LNX2: variants seen among roughly 807,000 people sequenced by gnomAD.
LNX2 encodes ligand of Numb protein X 2.
A neutral mutation model predicts 66.2 loss-of-function variants in LNX2; 35 were observed. The ratio of observed to expected loss-of-function variants is 0.53; its 90% CI spans 0.40 to 0.70. The LOEUF (loss-of-function observed/expected upper bound fraction) is 0.70. LNX2 is among the 30% of genes least tolerant of loss of function. The pLI is 0.00. For synonymous variants in LNX2, 337 were observed against 315.6 expected, an observed-to-expected ratio of 1.07 and a Z score of -0.72; for missense variants, 791 against 850.8, an observed-to-expected ratio of 0.93 and a Z score of 0.87.
At chr13:27,573,205 T>C (rs1477701043) in intron 2 of LNX2, among the ~76,000 whole-genome samples, 2 of 152,108 alleles carry the variant, frequency 1.3e-5, no homozygotes, top group African/African-American at 4.8e-5. Flanking sequence ...ACAGTGGAAA[T>C]CAGGAGGCTG....
chr13:27,579,726 T>C (rs1381639630), intron 2 of LNX2, among the ~76,000 whole-genome samples: 1 of 152,188 alleles, frequency 6.6e-6, no homozygotes, highest in Non-Finnish European at 1.5e-5. Context: ...ATCTCATAAC[T>C]GATGTTTAGA....
At chr13:27,602,010 C>T (rs1955662639) in intron 1 of LNX2, among the ~76,000 whole-genome samples, 1 of 152,150 alleles carries the variant, frequency 6.6e-6, no homozygotes, top group African/African-American at 2.4e-5. Flanking sequence ...ACTTCATGAT[C>T]TTCAAAGTAA....
chr13:27,600,487 G>A (rs77091233), intron 1 of LNX2, among the ~76,000 whole-genome samples: 6,703 of 152,256 alleles, frequency 0.044, 210 homozygotes, highest in Non-Finnish European at 0.067. Flanking sequence ...AAACATAACC[G>A]TAGAATTACT....
intron 3 of LNX2, among the ~76,000 whole-genome samples, chr13:27,568,657 C>G (rs1955235932): frequency 6.6e-6 from 1 of 152,096 alleles, no homozygotes; most frequent in Admixed American, 6.5e-5. Flanking sequence ...GTGCCTGACA[C>G]AGAATAGCAT....
intron 1 of LNX2, among the ~76,000 whole-genome samples, chr13:27,583,819 T>C (rs759729199): frequency 2.6e-5 from 4 of 152,124 alleles, no homozygotes; most frequent in Non-Finnish European, 5.9e-5. Context: ...ATTTAGTAAG[T>C]ACTCTAAGAA....
At chr13:27,593,252 T>G (rs956455806) in intron 1 of LNX2, among the ~76,000 whole-genome samples, 1 of 152,164 alleles carries the variant, frequency 6.6e-6, no homozygotes, top group Non-Finnish European at 1.5e-5. Context: ...TCTTCCAATC[T>G]CTTTCTCCCC....
intron 2 of LNX2, among the ~76,000 whole-genome samples, chr13:27,579,516 G>T (rs938278891): frequency 6.6e-6 from 1 of 152,152 alleles, no homozygotes; most frequent in Admixed American, 6.5e-5. Flanking sequence ...ACATGTAAAT[G>T]AAAAGGCAGT....
Position 27,581,394 on chromosome 13 carries a change from G to A in LNX2, c.310C>T (p.His104Tyr), listed in dbSNP as rs763157598. ...KLCKKSSILVHKLLDKLLVLC... is the reference protein window; with the variant it reads ...KLCKKSSILVYKLLDKLLVLC... The stretch of plus-strand genomic sequence containing the variant: ...ACTAATAATTTGTCTAGGAGTTTAT[G>A]AACTAGAATACTAGACTTCTTGCAC... The change falls in exon 2 of 10, where the codon CAT becomes TAT. Residue 104 changes from histidine (H) to tyrosine (Y), a missense_variant. Physicochemically the swap from His to Tyr is moderately conservative, Grantham distance 83. Coordinates refer to ENST00000316334, the MANE Select transcript of LNX2 (RefSeq NM_153371.4). 6.3e-7 allele frequency: 1 copy of A among 1,599,710 alleles called. No homozygotes were observed. The highest frequency in any genetic ancestry group is 8.5e-7 in the Non-Finnish European group (1 of 1,169,908).
chr13:27,589,407 C>T (rs1371914565), intron 1 of LNX2, among the ~76,000 whole-genome samples: 3 of 152,160 alleles, frequency 2.0e-5, no homozygotes, highest in Admixed American at 6.5e-5. Context: ...ATCTCTAAAA[C>T]ACGATTCTGT....
intron 1 of LNX2, among the ~76,000 whole-genome samples, chr13:27,600,055 G>C (rs1028805035): frequency 6.6e-6 from 1 of 152,108 alleles, no homozygotes; most frequent in Non-Finnish European, 1.5e-5. Context: ...CATCAGTTAT[G>C]TACCAGAAAA....
At chr13:27,573,148 T>C (rs754887548) in intron 2 of LNX2, among the ~76,000 whole-genome samples, 1 of 152,074 alleles carries the variant, frequency 6.6e-6, no homozygotes, top group Non-Finnish European at 1.5e-5. Flanking sequence ...TTTACCCTAT[T>C]TCCATCCTCA....
chr13:27,610,270 T>C (rs967880666), intron 1 of LNX2, among the ~76,000 whole-genome samples: 18 of 152,356 alleles, frequency 1.2e-4, no homozygotes, highest in Admixed American at 2.6e-4. Flanking sequence ...TGTTTCCAAA[T>C]TGGTATCTTG....
intron 6 of LNX2, among the ~76,000 whole-genome samples, chr13:27,558,530 CT>C (rs934674565): frequency 2.0e-4 from 30 of 152,144 alleles, no homozygotes; most frequent in African/African-American, 5.5e-4. Context: ...ATATACACCC[CT>C]ATCTCAAATT....
chr13:27,562,619 C>T lies in LNX2; in HGVS notation c.1018G>A (p.Val340Met). ...SNSPREEIFQ[V>M]ALHKRDSGEQ... ...CCAGAGTCCCGTTTATGAAGAGCCA[C>T]TTGGAAAATCTCTTCTCGTGGAGAG... The change falls in exon 5 of 10, where the codon GTG (valine) becomes ATG (methionine). Residue 340 changes from valine (V) to methionine (M), a missense_variant. Transcript: ENST00000316334. 6 of 1,614,136 alleles carry T rather than the reference C, an allele frequency of 3.7e-6. No individual in the cohort carries two copies. The highest frequency in any genetic ancestry group is 5.1e-6 in the Non-Finnish European group (6 of 1,180,032).
chr13:27,552,511 C>T (rs1367503337), intron 8 of LNX2, among the ~76,000 whole-genome samples: 1 of 152,174 alleles, frequency 6.6e-6, no homozygotes, highest in Non-Finnish European at 1.5e-5. Context: ...TTTTAGGATT[C>T]TTAGGTACGG....
At position 27,561,132 on chromosome 13, in the gene LNX2, T is replaced by C. The variant is rs551223150; in HGVS notation, c.1225-1147A>G. 7.2e-5 allele frequency among the ~76,000 whole-genome samples: 11 copies of C among 152,326 alleles called. No homozygotes were observed. The South Asian group carries it at 2.3e-3, about 32-fold the overall frequency. On this transcript the variant is annotated intron_variant, in intron 5 of 9. Transcript: ENST00000316334. ...TGAAACTATTTATAACATCCAAATATAAAATATGATCACGGACAATTTAAA... is the reference window on the plus strand; with the variant it reads ...TGAAACTATTTATAACATCCAAATACAAAATATGATCACGGACAATTTAAA...
chr13:27,583,222 G>GCCCTCTCCAATATAACTT (rs766530442), intron 1 of LNX2, among the ~76,000 whole-genome samples: 5 of 21,450 alleles, frequency 2.3e-4, no homozygotes, highest in Non-Finnish European at 4.0e-4. Flanking sequence ...GTGTGTGTGT[G>GCCCTCTCCAATATAACTT]TGTGTGTGTG....
chr13:27,591,639 C>T (rs1955547390), intron 1 of LNX2, among the ~76,000 whole-genome samples: 1 of 152,192 alleles, frequency 6.6e-6, no homozygotes, highest in Non-Finnish European at 1.5e-5. Flanking sequence ...TGAGAATCTC[C>T]TATGTGCCAG....
chr13:27,577,406 C>CT (rs943298744), intron 2 of LNX2, among the ~76,000 whole-genome samples: 1 of 151,968 alleles, frequency 6.6e-6, no homozygotes, highest in Non-Finnish European at 1.5e-5. Flanking sequence ...ATCCTGATCC[C>CT]TTTTTTTTCT....
Sources: allele counts gnomAD v4.1 joint callset (sites outside exome capture counted in the v4.1 genomes callset), GRCh38; gene constraint gnomAD v4.1.1; transcripts MANE v1.5; gene names NCBI Gene and HGNC (gene_info 2026-07-23, HGNC 2026-07-21).